PDZD2: variants seen among roughly 807,000 people sequenced by gnomAD.
PDZD2 encodes PDZ domain containing 2.
In PDZD2, 90 loss-of-function variants were observed where a neutral mutation model predicts 220.7. The ratio of observed to expected loss-of-function variants is 0.41; its 90% confidence interval spans 0.34 to 0.49. The LOEUF (loss-of-function observed/expected upper bound fraction) is 0.49. Among genes scored for constraint, PDZD2 ranks in the 20% least tolerant of loss-of-function variants. The probability of loss-of-function intolerance (pLI) is 0.28; values close to 1 mark genes in which losing one functional copy is unlikely to be tolerated. For synonymous variants in PDZD2, 1,375 were observed against 1,450.5 expected (o/e 0.95, Z 1.18); for missense variants, 3,174 against 3,608.5 (o/e 0.88, Z 3.08).
At chr5:32,072,409 C>G (rs910230282) in intron 17 of PDZD2, 92 bp downstream of exon 17, 32 of 1,014,166 alleles carry the variant, frequency 3.2e-5, no homozygotes, top group Non-Finnish European at 4.4e-5. Flanking sequence ...AATGGTTTAG[C>G]TACCCTGGCG....
intron 7 of PDZD2, among the ~76,000 whole-genome samples, chr5:32,038,365 T>C (rs76849339): frequency 0.021 from 3,215 of 151,040 alleles, 117 homozygotes; most frequent in African/African-American, 0.075. Context: ...CCGTCTCTAC[T>C]AAAATACACA....
intron 2 of PDZD2, among the ~76,000 whole-genome samples, chr5:31,838,983 C>T (rs1251656863): frequency 6.6e-6 from 1 of 152,160 alleles, no homozygotes; most frequent in Non-Finnish European, 1.5e-5. Flanking sequence ...AGCACGTGTC[C>T]CTCCTGCCCT....
At chr5:32,017,328 A>G (rs1001866968) in intron 6 of PDZD2, among the ~76,000 whole-genome samples, 3 of 151,946 alleles carry the variant, frequency 2.0e-5, no homozygotes, top group East Asian at 1.9e-4. Flanking sequence ...AATCCCATCT[A>G]TGAGGGAGAC....
chr5:32,053,506 G>A (rs1212344643), intron 9 of PDZD2, among the ~76,000 whole-genome samples: 1 of 152,200 alleles, frequency 6.6e-6, no homozygotes, highest in African/African-American at 2.4e-5. Context: ...TGGCAATTTG[G>A]TATGTTTCTG....
At chr5:32,041,384 C>G (rs2112252098) in intron 7 of PDZD2, among the ~76,000 whole-genome samples, 1 of 151,962 alleles carries the variant, frequency 6.6e-6, no homozygotes, top group Non-Finnish European at 1.5e-5. Flanking sequence ...ATGACGATGG[C>G]AGTTTTGTCA....
chr5:31,974,244 G>C (rs939434666), intron 2 of PDZD2, among the ~76,000 whole-genome samples: 1 of 152,170 alleles, frequency 6.6e-6, no homozygotes, highest in Admixed American at 6.5e-5. Context: ...GCCTCCAAAA[G>C]TGCTGGGATT....
At position 32,057,934 on chromosome 5, in the gene PDZD2, C is replaced by A; in HGVS notation, c.2031C>A (p.Ser677Arg). Residue 677 changes from serine (S) to arginine (R), a missense_variant, in exon 12 of 25, where the codon AGC (serine) becomes AGA (arginine). Physicochemically the swap from Ser to Arg is moderately radical, Grantham distance 110. Around this residue, in one of 4 missense-constraint regions of PDZD2, gnomAD observed 1,861 missense variants for 2,001.0 expected, o/e 0.93. Transcript: ENST00000438447. ...TACGCACAAAGTTGGTGAGCCCCAG[C>A]CTCACACCCTGCTCGACACCCACAC... ...LTVRTKLVSPSLTPCSTPTHM... is the reference protein window; with the variant it reads ...LTVRTKLVSPRLTPCSTPTHM... 6.2e-7 allele frequency: 1 copy of A among 1,613,844 alleles called. No homozygotes were observed. The highest frequency in any genetic ancestry group is 8.5e-7 in the Non-Finnish European group (1 of 1,179,846).
chr5:32,034,313 C>G (rs146637181), intron 6 of PDZD2, among the ~76,000 whole-genome samples: 89 of 150,672 alleles, frequency 5.9e-4, no homozygotes, highest in African/African-American at 2.1e-3. Flanking sequence ...CTCTGAAGGT[C>G]GATAGCCTGG....
chr5:31,869,944 T>C (rs1444237740), intron 2 of PDZD2, among the ~76,000 whole-genome samples: 2 of 152,174 alleles, frequency 1.3e-5, no homozygotes, highest in Non-Finnish European at 2.9e-5. Flanking sequence ...TCTCCGGCGA[T>C]ACTCTCCCAC....
intron 2 of PDZD2, among the ~76,000 whole-genome samples, chr5:31,914,343 A>G (rs1055519272): frequency 5.3e-5 from 8 of 152,190 alleles, no homozygotes; most frequent in Admixed American, 2.6e-4. Flanking sequence ...CAGCCTGGCC[A>G]AGACAGTGAA....
At chr5:31,712,763 C>T (rs891997352) in intron 1 of PDZD2, among the ~76,000 whole-genome samples, 12 of 152,070 alleles carry the variant, frequency 7.9e-5, no homozygotes, top group African/African-American at 2.7e-4. Flanking sequence ...CACAGAAAAG[C>T]GCAGGAATTG....
In PDZD2 at chr5:32,009,456, G is replaced by A. The variant is rs1020786968; in HGVS notation, c.1255-874G>A. 5.9e-5 allele frequency among the ~76,000 whole-genome samples: 9 copies of A among 152,068 alleles called. No homozygotes were observed. The East Asian group carries it at 7.8e-4, about 13-fold the overall frequency. ...CAGCAGAGGATCTTGGGCCAGGTGC[G>A]GTGACTCACTCCTGTAATCCCAGCA... is the stretch of plus-strand genomic sequence containing the variant. On this transcript the variant is annotated intron_variant, in intron 5 of 24. Coordinates refer to ENST00000438447, the MANE Select transcript of PDZD2 (RefSeq NM_178140.4).
chr5:32,095,725 T>G (rs1374353618), intron 21 of PDZD2, among the ~76,000 whole-genome samples: 1 of 148,050 alleles, frequency 6.8e-6, no homozygotes, highest in East Asian at 2.0e-4. Context: ...ATTTTCTTTT[T>G]TTTTTTCCTT....
chr5:31,917,067 G>A (rs1743753378), intron 2 of PDZD2, among the ~76,000 whole-genome samples: 1 of 152,170 alleles, frequency 6.6e-6, no homozygotes. Flanking sequence ...ACACAAGATG[G>A]AGGAAACCAG....
intron 1 of PDZD2, among the ~76,000 whole-genome samples, chr5:31,749,813 T>G (rs1400576733): frequency 6.6e-6 from 1 of 152,144 alleles, no homozygotes; most frequent in Non-Finnish European, 1.5e-5. Context: ...CTCCACAGGC[T>G]TTTCCCATCC....
At chr5:32,032,791 A>G (rs1328531156) in intron 6 of PDZD2, among the ~76,000 whole-genome samples, 1 of 152,192 alleles carries the variant, frequency 6.6e-6, no homozygotes, top group Non-Finnish European at 1.5e-5. Flanking sequence ...CTGACGTTCA[A>G]AGAGGTTGAC....
chr5:31,648,498 C>A (rs887682823), intron 1 of PDZD2, among the ~76,000 whole-genome samples: 1 of 152,064 alleles, frequency 6.6e-6, no homozygotes, highest in East Asian at 1.9e-4. Flanking sequence ...CCTGTTGGCC[C>A]CACCTCCAGC....
At chr5:31,817,508 A>T (rs1755543704) in intron 2 of PDZD2, among the ~76,000 whole-genome samples, 1 of 152,134 alleles carries the variant, frequency 6.6e-6, no homozygotes, top group Non-Finnish European at 1.5e-5. Context: ...AAAAAAAAGT[A>T]GCACCCATTT....
rs895808186 is a variant in PDZD2 at position 32,089,517 on chromosome 5, A to G, written c.6069A>G (p.Arg2023=). 7 of 1,612,444 alleles carry G rather than the reference A, an allele frequency of 4.3e-6. No homozygotes were observed. The African/African-American group carries it at 9.4e-5, about 22-fold the overall frequency. ...CPTTPKSPKC[R]AEGRAPRADS... is the part of the protein sequence containing the mutation. The stretch of plus-strand genomic sequence containing the variant: ...CCACCCCTAAATCTCCTAAGTGTAG[A>G]GCAGAGGGCAGGGCGCCCCGTGCTG... Residue 2023 remains arginine, a synonymous_variant, in exon 20 of 25, where the codon AGA becomes AGG. Coordinates refer to ENST00000438447, the MANE Select transcript of PDZD2 (RefSeq NM_178140.4).
Sources: gnomAD v4.1 joint callset for allele counts (sites outside exome capture counted in the v4.1 genomes callset) on GRCh38, gnomAD v4.1.1 for gene constraint, gnomAD v4.1.1 regional missense constraint, MANE v1.5 for transcripts, NCBI Gene and HGNC (gene_info 2026-07-23, HGNC 2026-07-21) for gene names.